UVRAG: variants seen among roughly 807,000 people sequenced by gnomAD.
UVRAG encodes UV radiation resistance associated.
Under a neutral mutation model 78.0 loss-of-function variants are expected in UVRAG, and 19 were observed. That is an observed-to-expected ratio of 0.24 (90% CI 0.17 to 0.36). UVRAG has a LOEUF of 0.36. UVRAG is among the 10% of genes least tolerant of loss of function. UVRAG has a pLI of 1.00. For synonymous variants in UVRAG, 323 were observed against 324.6 expected (o/e 1.00, Z 0.05); for missense variants, 740 against 853.8 (o/e 0.87, Z 1.66).
rs189371654 is a variant in UVRAG, at chr11:76,017,953, G to A, written c.1226+973G>A. Among the ~76,000 whole-genome samples the A allele has an allele frequency of 1.2e-4, 18 of 152,086 alleles. No homozygotes were observed. The East Asian group carries it at 3.5e-3, about 29-fold the overall frequency. ...GTACAGAACAAAGAATAAGAGAAAG[G>A]AACAAAGAATAAGAGAAAGGATAAA... is the stretch of plus-strand genomic sequence containing the variant. On this transcript the variant is annotated intron_variant, in intron 12 of 14. Transcript: ENST00000356136.
intron 1 of UVRAG, among the ~76,000 whole-genome samples, chr11:75,832,269 GGC>G (rs1327451428): frequency 6.6e-6 from 1 of 152,060 alleles, no homozygotes; most frequent in Non-Finnish European, 1.5e-5. Flanking sequence ...ACAAGTTAAG[GGC>G]CCAGTCCCAC....
At chr11:76,140,431 C>G (rs1414399399) in intron 14 of UVRAG, among the ~76,000 whole-genome samples, 1 of 152,136 alleles carries the variant, frequency 6.6e-6, no homozygotes, top group Non-Finnish European at 1.5e-5. Context: ...CACCTCTTCC[C>G]CATAGGACAG....
intron 8 of UVRAG, among the ~76,000 whole-genome samples, chr11:76,000,616 TA>T (rs111698746): frequency 0.12 from 18,009 of 146,798 alleles, 2,672 homozygotes; most frequent in African/African-American, 0.36. Context: ...CCCTGTTTCT[TA>T]AAAAAAAAAG....
chr11:75,820,650 C>T (rs10899133), intron 1 of UVRAG, among the ~76,000 whole-genome samples: 20,769 of 152,130 alleles, frequency 0.14, 1,465 homozygotes, highest in East Asian at 0.23. Context: ...CCACCGCACC[C>T]GGCCTCACTT....
chr11:75,924,378 G>GT (rs919229708), intron 6 of UVRAG, among the ~76,000 whole-genome samples: 73 of 149,872 alleles, frequency 4.9e-4, no homozygotes, highest in African/African-American at 1.6e-3. Context: ...AAAGCATTGT[G>GT]TTTTTTTTTG....
intron 14 of UVRAG, among the ~76,000 whole-genome samples, chr11:76,117,323 C>T (rs1346090338): frequency 6.6e-6 from 1 of 152,170 alleles, no homozygotes; most frequent in African/African-American, 2.4e-5. Flanking sequence ...GTACAGATAG[C>T]AGATTGTCCC....
intron 6 of UVRAG, among the ~76,000 whole-genome samples, chr11:75,943,148 A>G (rs534835456): frequency 1.3e-5 from 2 of 152,238 alleles, no homozygotes; most frequent in African/African-American, 2.4e-5. Flanking sequence ...TATTTATACT[A>G]TAGCACCTAT....
chr11:75,840,535 C>T (rs1248392385), intron 1 of UVRAG, among the ~76,000 whole-genome samples: 2 of 152,082 alleles, frequency 1.3e-5, no homozygotes, highest in East Asian at 1.9e-4. Flanking sequence ...TTTGTTTTTT[C>T]CTGTTGAGAA....
At chr11:76,040,696 C>T (rs150056107) in intron 12 of UVRAG, among the ~76,000 whole-genome samples, 2 of 151,970 alleles carry the variant, frequency 1.3e-5, no homozygotes, top group South Asian at 2.1e-4. Flanking sequence ...GCTGGGATTA[C>T]AGGCACGCGC....
At chr11:76,097,403 C>T (rs1222895816) in intron 13 of UVRAG, among the ~76,000 whole-genome samples, 1 of 152,168 alleles carries the variant, frequency 6.6e-6, no homozygotes, top group Non-Finnish European at 1.5e-5. Flanking sequence ...CTCTGGAATA[C>T]TGTGCCTCCC....
At chr11:76,087,431 G>A (rs757523777) in intron 13 of UVRAG, among the ~76,000 whole-genome samples, 1 of 152,144 alleles carries the variant, frequency 6.6e-6, no homozygotes, top group Non-Finnish European at 1.5e-5. Flanking sequence ...CTTATTGACT[G>A]CATCACAGAC....
chr11:76,099,684 C>T (rs1951846331), intron 13 of UVRAG, among the ~76,000 whole-genome samples: 1 of 151,966 alleles, frequency 6.6e-6, no homozygotes, highest in African/African-American at 2.4e-5. Context: ...ATAGATCTTG[C>T]TATTTTGGTT....
At chr11:76,007,267 G>C (rs1565116842) in intron 9 of UVRAG, among the ~76,000 whole-genome samples, 1 of 152,182 alleles carries the variant, frequency 6.6e-6, no homozygotes, top group East Asian at 1.9e-4. Flanking sequence ...GGGATTATGG[G>C]AGTGAGCCAC....
intron 13 of UVRAG, among the ~76,000 whole-genome samples, chr11:76,101,434 C>T (rs1285315338): frequency 6.6e-6 from 1 of 151,964 alleles, no homozygotes; most frequent in Non-Finnish European, 1.5e-5. Context: ...GTCCTTTGCT[C>T]TCTTTTAATG....
chr11:76,007,540 C>A lies in UVRAG; in HGVS notation c.918C>A (p.Leu306=). The A allele has an allele frequency of 6.2e-7, 1 of 1,612,718 alleles. No homozygotes were observed. Among genetic ancestry groups the A allele is most frequent in the Non-Finnish European group, 8.5e-7 (1 of 1,179,276 alleles). The part of the protein sequence containing the change: ...LRKECTAKRE[L]FLKTNAQLTI... ...TTTTTTCTTTCCTCATTAGAGAACT[C>A]TTCTTGAAGACTAATGCTCAGTTGA... Residue 306 remains leucine, a synonymous_variant, in exon 10 of 15, where the codon CTC becomes CTA. Coordinates refer to ENST00000356136, the MANE Select transcript of UVRAG (RefSeq NM_003369.4).
chr11:76,002,931 G>T (rs548657553), intron 8 of UVRAG, among the ~76,000 whole-genome samples: 1 of 152,140 alleles, frequency 6.6e-6, no homozygotes, highest in African/African-American at 2.4e-5. Context: ...ACAAAAATTA[G>T]TTGGGCATTG....
intron 12 of UVRAG, among the ~76,000 whole-genome samples, chr11:76,054,648 C>T (rs190181584): frequency 1.3e-5 from 2 of 152,286 alleles, no homozygotes; most frequent in East Asian, 1.9e-4. Context: ...TTTCGTTTCA[C>T]CTGCCTGGAA....
chr11:75,877,872 C>T (rs1946836977), intron 3 of UVRAG, among the ~76,000 whole-genome samples: 1 of 146,306 alleles, frequency 6.8e-6, no homozygotes. Flanking sequence ...GCTGACCCCC[C>T]CACCTCCCTC....
chr11:76,121,578 G>A (rs952596724), intron 14 of UVRAG, among the ~76,000 whole-genome samples: 2 of 152,212 alleles, frequency 1.3e-5, no homozygotes, highest in Non-Finnish European at 1.5e-5. Context: ...GAACTGAGTT[G>A]AAGAGATTAT....
Sources: gnomAD v4.1 joint callset for allele counts (sites outside exome capture counted in the v4.1 genomes callset) on GRCh38, gnomAD v4.1.1 for gene constraint, MANE v1.5 for transcripts, NCBI Gene and HGNC (gene_info 2026-07-23, HGNC 2026-07-21) for gene names.